The following VAV3 variants were observed in gnomAD, a reference collection of about 807,000 sequenced individuals.
VAV3 encodes the protein vav guanine nucleotide exchange factor 3.
VAV3 carries 94 observed loss-of-function variants against 131.2 expected under a neutral mutation model. That is an observed-to-expected ratio of 0.72 (90% CI 0.61 to 0.85). VAV3 has a LOEUF of 0.85. Among genes scored for constraint, VAV3 ranks in the 40% least tolerant of loss-of-function variants. The probability of loss-of-function intolerance (pLI) is 0.00; values close to 1 mark genes in which losing one functional copy is unlikely to be tolerated. For synonymous variants in VAV3, 349 were observed against 342.0 expected (o/e 1.02, Z -0.22); for missense variants, 939 against 1,002.7 (o/e 0.94, Z 0.86).
intron 19 of VAV3, chr1:107,669,144 T>C (rs1657606786): frequency 9.3e-7 from 1 of 1,074,640 alleles, no homozygotes; most frequent in African/African-American, 1.7e-5. Flanking sequence ...TTGGCTGCAC[T>C]TTCATTCTAT....
chr1:107,707,127 A>T (rs754237307), intron 15 of VAV3, among the ~76,000 whole-genome samples: 2 of 152,254 alleles, frequency 1.3e-5, no homozygotes, highest in Non-Finnish European at 2.9e-5. Flanking sequence ...CCCTATGGGA[A>T]TAAAGACTTA....
intron 2 of VAV3, among the ~76,000 whole-genome samples, chr1:107,863,499 C>A (rs1669839223): frequency 6.6e-6 from 1 of 152,220 alleles, no homozygotes; most frequent in African/African-American, 2.4e-5. Context: ...GCAGACCCTG[C>A]AAGATCTCAA....
Position 107,573,319 on chromosome 1 carries a change from C to T in VAV3, c.*12G>A, listed in dbSNP as rs542122942. On this transcript the variant is annotated 3_prime_UTR_variant, in exon 27 of 27. Coordinates refer to ENST00000370056, the MANE Select transcript of VAV3 (RefSeq NM_006113.5). The stretch of plus-strand genomic sequence containing the variant: ...GAAATTTTTGGTGCAGGGTGCAACA[C>T]GGGATTTGAATTTATTCATCCTCTT... 45 of 1,613,916 alleles carry T rather than the reference C, an allele frequency of 2.8e-5. No homozygotes were observed. Among genetic ancestry groups the T allele is most frequent in the African/African-American group, 1.6e-4 (12 of 75,008 alleles).
chr1:107,696,012 A>AT (rs1215101866), intron 17 of VAV3, among the ~76,000 whole-genome samples: 19 of 152,028 alleles, frequency 1.2e-4, no homozygotes, highest in African/African-American at 4.3e-4. Flanking sequence ...CCCCTCTTAA[A>AT]TTTTTTATTT....
At chr1:107,900,199 C>T (rs866720035) in intron 1 of VAV3, among the ~76,000 whole-genome samples, 2 of 152,082 alleles carry the variant, frequency 1.3e-5, no homozygotes, top group African/African-American at 2.4e-5. Context: ...CTACAAGCTT[C>T]GACACTTAGG....
intron 2 of VAV3, among the ~76,000 whole-genome samples, chr1:107,795,532 C>G (rs1455514901): frequency 3.3e-5 from 5 of 151,988 alleles, no homozygotes; most frequent in East Asian, 3.9e-4. Context: ...TCCCCTCCCC[C>G]CAGGAAAAAA....
chr1:107,821,849 G>A (rs1667804165), intron 2 of VAV3, among the ~76,000 whole-genome samples: 1 of 152,212 alleles, frequency 6.6e-6, no homozygotes, highest in Non-Finnish European at 1.5e-5. Flanking sequence ...CAATTAACAA[G>A]AGCAAGGTCT....
rs1652959063 is a variant in VAV3 at position 107,614,140 on chromosome 1, T to C, written c.1980+3427A>G. ...TCCTAGTTCATCCACCAAGAGCTCC[T>C]GGAATCGGGGATATACCCAAGTTTG... is the stretch of plus-strand genomic sequence containing the variant. On this transcript the variant is annotated intron_variant, in intron 21 of 26. Coordinates refer to ENST00000370056, the MANE Select transcript of VAV3 (RefSeq NM_006113.5). 2.6e-5 allele frequency among the ~76,000 whole-genome samples: 4 copies of C among 152,186 alleles called. No homozygotes were observed. In the South Asian group the frequency reaches 8.3e-4, roughly 32 times the overall value.
At chr1:107,734,483 A>G (rs1207871601) in intron 15 of VAV3, among the ~76,000 whole-genome samples, 1 of 152,244 alleles carries the variant, frequency 6.6e-6, no homozygotes, top group Non-Finnish European at 1.5e-5. Context: ...GCAGAGACAC[A>G]CACAGGCTCA....
rs77405871 is a variant in VAV3 at position 107,791,549 on chromosome 1, C to G, written c.322-12057G>C. Reference sequence around the variant, plus strand: ...ACATGGTTGTCAGATGGCAGAGACCCTGGCTGAATGTTAGAAACATCTGTG... The same window carrying G: ...ACATGGTTGTCAGATGGCAGAGACCGTGGCTGAATGTTAGAAACATCTGTG... On this transcript the variant is annotated intron_variant, in intron 2 of 26. Transcript: ENST00000370056. Among the ~76,000 whole-genome samples the G allele has an allele frequency of 7.8e-3, 1,182 of 152,304 alleles. 10 individuals carry two copies. The highest frequency in any genetic ancestry group is 0.015 in the East Asian group (80 of 5,182).
chr1:107,642,039 G>T (rs576620544), intron 20 of VAV3, among the ~76,000 whole-genome samples: 3 of 152,240 alleles, frequency 2.0e-5, no homozygotes, highest in African/African-American at 7.2e-5. Flanking sequence ...AATAAATCAT[G>T]CATTAAATCT....
chr1:107,696,992 G>T (rs1450770411), intron 17 of VAV3, among the ~76,000 whole-genome samples: 1 of 152,170 alleles, frequency 6.6e-6, no homozygotes, highest in African/African-American at 2.4e-5. Context: ...AGCTTGAGAA[G>T]CTGAGAAGCA....
At chr1:107,954,970 C>A (rs180682076) in intron 1 of VAV3, among the ~76,000 whole-genome samples, 8 of 152,272 alleles carry the variant, frequency 5.3e-5, no homozygotes, top group South Asian at 2.1e-4. Context: ...GCCTGCCTCA[C>A]GGTGTTGGAC....
intron 20 of VAV3, among the ~76,000 whole-genome samples, chr1:107,621,096 T>C (rs1399982123): frequency 6.6e-6 from 1 of 151,842 alleles, no homozygotes; most frequent in African/African-American, 2.4e-5. Context: ...CTCATTTTTT[T>C]TTTTTTACCT....
intron 17 of VAV3, among the ~76,000 whole-genome samples, chr1:107,698,018 G>T (rs1659851841): frequency 6.6e-6 from 1 of 152,134 alleles, no homozygotes; most frequent in Non-Finnish European, 1.5e-5. Flanking sequence ...CTTAGGGGCT[G>T]GCCTGCCTGG....
intron 1 of VAV3, among the ~76,000 whole-genome samples, chr1:107,943,629 C>G (rs1415128744): frequency 6.6e-6 from 1 of 152,154 alleles, no homozygotes; most frequent in Non-Finnish European, 1.5e-5. Flanking sequence ...GTAGTCCCAG[C>G]TACTCGAGAG....
intron 1 of VAV3, among the ~76,000 whole-genome samples, chr1:107,922,044 T>C (rs1268725362): frequency 6.6e-6 from 1 of 152,200 alleles, no homozygotes; most frequent in Non-Finnish European, 1.5e-5. Flanking sequence ...TCAGTGCTTG[T>C]GAAATGCATG....
intron 11 of VAV3, 98 bp downstream of exon 11, chr1:107,757,143 ATGTGTGTATATGTGTGTGTG>A: frequency 1.6e-6 from 1 of 614,382 alleles, no homozygotes; most frequent in East Asian, 2.9e-5. Context: ...GTGTATATAT[ATGTGTGTATATGTGTGTGTG>A]TGTGTGTGTG....
At chr1:107,807,886 T>A (rs370853413) in intron 2 of VAV3, among the ~76,000 whole-genome samples, 2 of 152,210 alleles carry the variant, frequency 1.3e-5, no homozygotes, top group African/African-American at 4.8e-5. Flanking sequence ...GAACAGAAAC[T>A]GATCAAATGG....
Sources: gnomAD v4.1 joint callset for allele counts (sites outside exome capture counted in the v4.1 genomes callset) on GRCh38, gnomAD v4.1.1 for gene constraint, MANE v1.5 for transcripts, NCBI Gene and HGNC (gene_info 2026-07-23, HGNC 2026-07-21) for gene names.